The following ATP6V1C1 variants were observed in gnomAD, a reference collection of about 807,000 sequenced individuals.
The protein encoded by ATP6V1C1 is V-type proton ATPase subunit C 1.
ATP6V1C1 carries 45 observed loss-of-function variants against 53.9 expected under a neutral mutation model. That is an observed-to-expected ratio of 0.83 (90% CI 0.66 to 1.07). The LOEUF (loss-of-function observed/expected upper bound fraction) is 1.07, where lower values mean the gene tolerates loss of function less well. Among genes scored for constraint, ATP6V1C1 ranks in the 50% least tolerant of loss-of-function variants. The probability of loss-of-function intolerance (pLI) is 0.00; values close to 1 mark genes in which losing one functional copy is unlikely to be tolerated. For missense variants in ATP6V1C1, 315 were observed against 440.3 expected (o/e 0.72, Z 2.55); for synonymous variants, 153 against 155.2 (o/e 0.99, Z 0.11).
intron 1 of ATP6V1C1, among the ~76,000 whole-genome samples, chr8:103,025,967 C>T (rs573975296): frequency 6.6e-6 from 1 of 152,330 alleles, no homozygotes; most frequent in East Asian, 1.9e-4. Context: ...GGTCCAGTCA[C>T]TATTATAAAT....
Position 103,064,816 on chromosome 8 carries a change from A to G in ATP6V1C1, c.926+5A>G, listed in dbSNP as rs2131404670. Reference sequence around the variant, plus strand: ...TTTCGTTGAGTCTGTTTTAAGGTAAAGCAAGTTAATTGCCAAACTTGGAAC... The same window carrying G: ...TTTCGTTGAGTCTGTTTTAAGGTAAGGCAAGTTAATTGCCAAACTTGGAAC... On this transcript the variant is annotated splice_donor_5th_base_variant and intron_variant, in intron 11 of 12. Transcript: ENST00000518738. 6.2e-7 allele frequency: 1 copy of G among 1,610,088 alleles called. No individual in the cohort carries two copies. The highest frequency in any genetic ancestry group is 2.2e-5 in the East Asian group (1 of 44,716).
At chr8:103,024,149 G>C (rs1022852388) in intron 1 of ATP6V1C1, among the ~76,000 whole-genome samples, 1 of 152,152 alleles carries the variant, frequency 6.6e-6, no homozygotes, top group African/African-American at 2.4e-5. Context: ...GAGCCTCAGG[G>C]TTCTGTCTCA....
intron 1 of ATP6V1C1, among the ~76,000 whole-genome samples, chr8:103,032,114 G>A (rs1563601084): frequency 6.6e-6 from 1 of 152,118 alleles, no homozygotes; most frequent in African/African-American, 2.4e-5. Context: ...CACAGAATGA[G>A]AGAAAATATG....
chr8:103,035,588 T>C (rs1056087097), intron 1 of ATP6V1C1, among the ~76,000 whole-genome samples: 2 of 151,288 alleles, frequency 1.3e-5, no homozygotes, highest in Non-Finnish European at 2.9e-5. Context: ...TCTTGGGAGG[T>C]AGGATGGGGT....
At chr8:103,021,630 G>A (rs1816591836) in intron 1 of ATP6V1C1, among the ~76,000 whole-genome samples, 1 of 151,616 alleles carries the variant, frequency 6.6e-6, no homozygotes, top group Admixed American at 6.6e-5. Flanking sequence ...TGTGTGTTGG[G>A]GGGGGCGCGG....
At position 103,032,131 on chromosome 8, in the gene ATP6V1C1, T is replaced by C. The variant is rs936129495; in HGVS notation, c.-39-8667T>C. ...CAGAATGAGAGAAAATATGTAAATA[T>C]GTATATATATTTCACAAGGAAATTG... On this transcript the variant is annotated intron_variant, in intron 1 of 12. Coordinates refer to ENST00000518738, the MANE Select transcript of ATP6V1C1 (RefSeq NM_001695.5). Among the ~76,000 whole-genome samples the C allele has an allele frequency of 2.0e-5, 3 of 151,982 alleles. No homozygotes were observed. In the East Asian group the frequency reaches 5.8e-4, roughly 29 times the overall value.
chr8:103,066,238 G>C, intron 11 of ATP6V1C1, 83 bp from the exon 12 acceptor site: 10 of 1,457,210 alleles, frequency 6.9e-6, no homozygotes, highest in Admixed American at 2.3e-5. Context: ...CATGATTAAA[G>C]AGTATGAGAA....
chr8:103,053,807 T>C (rs779132508), intron 6 of ATP6V1C1, 77 bp from the exon 7 acceptor site: 1 of 1,065,570 alleles, frequency 9.4e-7, no homozygotes, highest in Non-Finnish European at 1.4e-6. Flanking sequence ...TATGTGAAAA[T>C]GATTAGCCTG....
At chr8:103,035,645 A>G (rs1586311461) in intron 1 of ATP6V1C1, among the ~76,000 whole-genome samples, 1 of 152,144 alleles carries the variant, frequency 6.6e-6, no homozygotes, top group Non-Finnish European at 1.5e-5. Flanking sequence ...GGCCGCATGG[A>G]AAGGGGAAGG....
At chr8:103,039,838 A>G (rs1816962824) in intron 1 of ATP6V1C1, among the ~76,000 whole-genome samples, 1 of 152,082 alleles carries the variant, frequency 6.6e-6, no homozygotes, top group Non-Finnish European at 1.5e-5. Context: ...AGATCCAAAA[A>G]TGTTATATTA....
chr8:103,047,428 GCGCACACA>G (rs1374269186), intron 3 of ATP6V1C1, among the ~76,000 whole-genome samples: 86 of 117,582 alleles, frequency 7.3e-4, no homozygotes, highest in Non-Finnish European at 1.1e-3. Context: ...AAAAATGCGC[GCGCACACA>G]CACACACACA....
chr8:103,051,370 A>G (rs1287444662), intron 5 of ATP6V1C1, among the ~76,000 whole-genome samples: 2 of 152,190 alleles, frequency 1.3e-5, no homozygotes, highest in African/African-American at 4.8e-5. Flanking sequence ...TAAATATTAC[A>G]TCAACAGTGT....
chr8:103,046,741 AGTG>A (rs1224058049), intron 3 of ATP6V1C1, among the ~76,000 whole-genome samples: 2 of 152,200 alleles, frequency 1.3e-5, no homozygotes, highest in Non-Finnish European at 2.9e-5. Flanking sequence ...AAATGCTCCA[AGTG>A]TTAAAGGCCA....
chr8:103,064,866 T>C (rs1817461942), intron 11 of ATP6V1C1, 55 bp downstream of exon 11: 1 of 1,481,308 alleles, frequency 6.8e-7, no homozygotes, highest in African/African-American at 1.4e-5. Context: ...ATTCCTTACA[T>C]TGGACCTCTT....
At position 103,040,909 on chromosome 8, in the gene ATP6V1C1, G is replaced by A. The variant is rs1465840112; in HGVS notation, c.73G>A (p.Ala25Thr). ...CQQTWEKLHA[A>T]TSKNNNLAVT... ...GCAAACATGGGAGAAATTGCATGCG[G>A]CAACTTCAAAGAACAATAATCTTGC... is the stretch of plus-strand genomic sequence containing the variant. The change falls in exon 2 of 13, where the codon GCA becomes ACA. Residue 25 changes from alanine to threonine, a missense_variant. Coordinates refer to ENST00000518738, the MANE Select transcript of ATP6V1C1 (RefSeq NM_001695.5). 1 of 1,614,082 alleles carries A rather than the reference G, an allele frequency of 6.2e-7. No individual in the cohort carries two copies. Among genetic ancestry groups the A allele is most frequent in the Admixed American group, 1.7e-5 (1 of 60,028 alleles).
At chr8:103,025,127 G>C (rs770053827) in intron 1 of ATP6V1C1, among the ~76,000 whole-genome samples, 1 of 152,084 alleles carries the variant, frequency 6.6e-6, no homozygotes, top group African/African-American at 2.4e-5. Flanking sequence ...GAAAGGGATC[G>C]ATGGATCTTC....
chr8:103,027,181 T>C (rs79321697), intron 1 of ATP6V1C1, among the ~76,000 whole-genome samples: 4,112 of 152,356 alleles, frequency 0.027, 88 homozygotes, highest in Non-Finnish European at 0.041. Flanking sequence ...AGCTGAGGTA[T>C]GCCTTCTTGT....
chr8:103,024,726 G>A (rs760890121), intron 1 of ATP6V1C1, among the ~76,000 whole-genome samples: 5 of 152,178 alleles, frequency 3.3e-5, no homozygotes, highest in African/African-American at 4.8e-5. Context: ...CCCTTGGGAC[G>A]CTTAGGCAGT....
chr8:103,021,576 G>A (rs1816589624), intron 1 of ATP6V1C1: 1 of 151,302 alleles, frequency 6.6e-6, no homozygotes, highest in Non-Finnish European at 1.5e-5. Flanking sequence ...AGGCTATGGA[G>A]TGGTGTGTGT....
Sources: allele counts gnomAD v4.1 joint callset (sites outside exome capture counted in the v4.1 genomes callset), GRCh38; gene constraint gnomAD v4.1.1; transcripts MANE v1.5; gene names NCBI Gene and HGNC (gene_info 2026-07-23, HGNC 2026-07-21).